The following BSPH1 variants were observed in gnomAD, a reference collection of about 807,000 sequenced individuals.
The protein encoded by BSPH1 is binder of sperm protein homolog 1.
A neutral mutation model predicts 22.5 loss-of-function variants in BSPH1; 21 were observed. That is an observed-to-expected ratio of 0.93 (90% CI 0.66 to 1.35). The LOEUF (loss-of-function observed/expected upper bound fraction) is 1.35, where lower values mean the gene tolerates loss of function less well. Ranked by LOEUF, BSPH1 falls within the 40% of genes most tolerant of loss-of-function variation. The pLI is 0.00. For missense variants in BSPH1, 141 were observed against 154.2 expected (o/e 0.91, Z 0.45); for synonymous variants, 42 against 53.6 (o/e 0.78, Z 0.95).
chr19:47,977,039 A>G (rs532765099), intron 4 of BSPH1, among the ~76,000 whole-genome samples, 185 bp from the exon 5 acceptor site: 5 of 152,294 alleles, frequency 3.3e-5, no homozygotes, highest in Admixed American at 6.5e-5. Flanking sequence ...TCACACACAC[A>G]CGCGCAAATA....
chr19:47,969,150 T>C (rs1035793162), intron 5 of BSPH1, among the ~76,000 whole-genome samples: 3 of 151,990 alleles, frequency 2.0e-5, no homozygotes, highest in African/African-American at 7.3e-5. Context: ...GACAAGTAGA[T>C]GGATTTGGCA....
Position 47,984,653 on chromosome 19 carries a change from A to G in BSPH1, c.74-3712T>C, listed in dbSNP as rs1313835419. Among the ~76,000 whole-genome samples the G allele has an allele frequency of 3.3e-5, 5 of 152,178 alleles. No homozygotes were observed. The East Asian group carries it at 9.6e-4, about 29-fold the overall frequency. ...TAAGCAAATTAGTGCAGAAACAGAA[A>G]ACCAAATACCACATGTTCTCACTTA... is the stretch of plus-strand genomic sequence containing the variant. On this transcript the variant is annotated intron_variant, in intron 1 of 5. Transcript: ENST00000344839.
chr19:47,973,363 T>A (rs571392589), intron 5 of BSPH1, among the ~76,000 whole-genome samples: 1 of 152,234 alleles, frequency 6.6e-6, no homozygotes, highest in South Asian at 2.1e-4. Flanking sequence ...CAGTCTCCTG[T>A]CATTTTATTG....
At chr19:47,971,499 C>T (rs1351630086) in intron 5 of BSPH1, among the ~76,000 whole-genome samples, 1 of 152,244 alleles carries the variant, frequency 6.6e-6, no homozygotes, top group Admixed American at 6.5e-5. Flanking sequence ...AGGCACCGCA[C>T]CCAGCCTGTA....
chr19:47,987,128 C>T (rs1969478512), intron 1 of BSPH1, among the ~76,000 whole-genome samples: 1 of 152,176 alleles, frequency 6.6e-6, no homozygotes, highest in Admixed American at 6.5e-5. Flanking sequence ...ATTTCAAATA[C>T]AGTCATATTC....
intron 1 of BSPH1, among the ~76,000 whole-genome samples, chr19:47,990,081 A>T (rs7258565): frequency 0.68 from 100,560 of 146,966 alleles, 34,877 homozygotes; most frequent in African/African-American, 0.78. Flanking sequence ...ATCATGCCAC[A>T]GCACTCCAGT....
chr19:47,974,332 C>T (rs894575029), intron 5 of BSPH1, among the ~76,000 whole-genome samples: 9 of 143,224 alleles, frequency 6.3e-5, no homozygotes, highest in African/African-American at 1.3e-4. Context: ...TGCAATGGCA[C>T]GATCTCGGCT....
At chr19:47,969,090 T>G (rs1969285604) in intron 5 of BSPH1, among the ~76,000 whole-genome samples, 1 of 151,342 alleles carries the variant, frequency 6.6e-6, no homozygotes, top group African/African-American at 2.4e-5. Context: ...AAAAGTAGCC[T>G]GGAGACTATT....
At chr19:47,984,162 A>AT (rs1568398505) in intron 1 of BSPH1, among the ~76,000 whole-genome samples, 1,494 of 107,732 alleles carry the variant, frequency 0.014, 10 homozygotes, top group African/African-American at 0.017. Flanking sequence ...AAAAAAAAAA[A>AT]AATATATATA....
chr19:47,980,482 T>A, intron 2 of BSPH1: 4 of 264,650 alleles, frequency 1.5e-5, no homozygotes, highest in Non-Finnish European at 1.7e-5. Context: ...TCTTTCTTTT[T>A]TTTTTTTTTT....
chr19:47,986,479 T>C (rs760821536), intron 1 of BSPH1, among the ~76,000 whole-genome samples: 7 of 152,088 alleles, frequency 4.6e-5, no homozygotes, highest in Non-Finnish European at 1.0e-4. Context: ...TGATTTACGC[T>C]TGTAATCCCA....
At chr19:47,980,444 A>G (rs1057497095) in intron 2 of BSPH1, 3 of 467,556 alleles carry the variant, frequency 6.4e-6, no homozygotes, top group Non-Finnish European at 8.5e-6. Flanking sequence ...TAAAATTAAC[A>G]GTAAAATTAT....
intron 5 of BSPH1, among the ~76,000 whole-genome samples, chr19:47,975,649 ATTTTTTTTT>A (rs199878812): frequency 0.031 from 3,812 of 124,876 alleles, 136 homozygotes; most frequent in African/African-American, 0.1. Flanking sequence ...AAGGTAATGC[ATTTTTTTTT>A]TTTTTTTTTT....
At chr19:47,988,252 G>A (rs1568399570) in intron 1 of BSPH1, among the ~76,000 whole-genome samples, 1 of 152,122 alleles carries the variant, frequency 6.6e-6, no homozygotes, top group Non-Finnish European at 1.5e-5. Flanking sequence ...TACTGTAATA[G>A]TACTTTTGGT....
chr19:47,976,917 C>G, intron 4 of BSPH1, 63 bp from the exon 5 acceptor site: 1 of 1,441,970 alleles, frequency 6.9e-7, no homozygotes. Context: ...CCACCTCCAC[C>G]ACACCATGCA....
chr19:47,978,325 A>G (rs1055470426), intron 3 of BSPH1, among the ~76,000 whole-genome samples: 2 of 152,048 alleles, frequency 1.3e-5, no homozygotes, highest in African/African-American at 4.8e-5. Context: ...GGGTGGTCTC[A>G]AACTCCTGAG....
intron 1 of BSPH1, among the ~76,000 whole-genome samples, chr19:47,990,059 C>T (rs1285572998): frequency 1.4e-5 from 2 of 138,370 alleles, no homozygotes; most frequent in African/African-American, 5.3e-5. Flanking sequence ...GCTGAGGTTG[C>T]GGTGAGCCGA....
chr19:47,988,363 A>G (rs1382492893), intron 1 of BSPH1, among the ~76,000 whole-genome samples: 1 of 152,194 alleles, frequency 6.6e-6, no homozygotes, highest in East Asian at 1.9e-4. Context: ...AGTCAGCAAG[A>G]ATCACGATCC....
chr19:47,972,199 G>A (rs535285689), intron 5 of BSPH1, among the ~76,000 whole-genome samples: 1 of 152,130 alleles, frequency 6.6e-6, no homozygotes, highest in South Asian at 2.1e-4. Flanking sequence ...TTTAACAAGG[G>A]AGTGGTGTTG....
Sources: gnomAD v4.1 joint callset for allele counts (sites outside exome capture counted in the v4.1 genomes callset) on GRCh38, gnomAD v4.1.1 for gene constraint, MANE v1.5 for transcripts, NCBI Gene and HGNC (gene_info 2026-07-23, HGNC 2026-07-21) for gene names.